Variants in DNAH17 observed in about 807,000 individuals in gnomAD.
The protein encoded by DNAH17 is axonemal beta dynein heavy chain 17.
DNAH17 carries 376 observed loss-of-function variants against 485.6 expected under a neutral mutation model. The ratio of observed to expected loss-of-function variants is 0.77; its 90% CI spans 0.71 to 0.84. DNAH17 has a LOEUF of 0.84. DNAH17 is among the 40% of genes least tolerant of loss of function. DNAH17 has a pLI of 0.00. For synonymous variants in DNAH17, 3,031 were observed against 2,405.9 expected (o/e 1.26, Z -7.60); for missense variants, 6,370 against 5,839.3 (o/e 1.09, Z -2.96).
chr17:78,531,731 T>G (rs986047576), intron 20 of DNAH17, among the ~76,000 whole-genome samples: 12 of 152,380 alleles, frequency 7.9e-5, no homozygotes, highest in African/African-American at 2.4e-4. Flanking sequence ...TTCTTTTGCA[T>G]TCAATCTGTC....
Position 78,462,865 on chromosome 17 carries a change from C to T in DNAH17, c.9153G>A (p.Lys3051=). The T allele has an allele frequency of 6.2e-7, 1 of 1,614,000 alleles. No homozygotes were observed. The highest frequency in any genetic ancestry group is 8.5e-7 in the Non-Finnish European group (1 of 1,179,886). ...KIERLENGLM[K]LQSTASQVDD... ...CTACCTGGGAAGCCGTGCTCTGCAGCTTCATCAGGCCGTTCTCCAGCCTCT... is the reference window on the plus strand; with the variant it reads ...CTACCTGGGAAGCCGTGCTCTGCAGTTTCATCAGGCCGTTCTCCAGCCTCT... Residue 3051 remains lysine (K), a synonymous_variant, in exon 57 of 81, where the codon AAG becomes AAA. Transcript: ENST00000389840.
chr17:78,475,717 G>A lies in DNAH17; in HGVS notation c.8271C>T (p.Leu2757=), dbSNP rs778772967. The change falls in exon 53 of 81, where the codon CTC becomes CTT. Residue 2757 remains leucine (L), a synonymous_variant. Transcript: ENST00000389840. ...CATTGTAGCTGTCCAGGACGTCCAC[G>A]AGGAGCTTGTTCAGAGGAGCCATGT... is the stretch of plus-strand genomic sequence containing the variant. ...VTDMAPLNKL[L]VDVLDSYNEV... 16 of 1,613,730 alleles carry A rather than the reference G, an allele frequency of 9.9e-6. No homozygotes were observed. Among genetic ancestry groups the A allele is most frequent in the African/African-American group, 6.7e-5 (5 of 74,912 alleles).
intron 64 of DNAH17, 98 bp from the exon 65 acceptor site, chr17:78,453,563 G>A: frequency 6.6e-7 from 1 of 1,505,320 alleles, no homozygotes; most frequent in Non-Finnish European, 9.0e-7. Context: ...GAGCGAGACA[G>A]CGCCAAGCGA....
Position 78,515,391 on chromosome 17 carries a change from C to T in DNAH17, c.3865-369G>A, listed in dbSNP as rs534253281. Among the ~76,000 whole-genome samples the T allele has an allele frequency of 3.3e-5, 5 of 152,274 alleles. No homozygotes were observed. In the East Asian group the frequency reaches 9.7e-4, roughly 29 times the overall value. ...GGGTGTGGTGGTGCACACCTGTAATCCCAGCTACTTGGGAGGCTGAGACAG... is the reference window on the plus strand; with the variant it reads ...GGGTGTGGTGGTGCACACCTGTAATTCCAGCTACTTGGGAGGCTGAGACAG... On this transcript the variant is annotated intron_variant, in intron 25 of 80. Transcript: ENST00000389840.
chr17:78,472,308 GAGGGTT>G (rs138651278), intron 54 of DNAH17, among the ~76,000 whole-genome samples: 50 of 148,468 alleles, frequency 3.4e-4, no homozygotes, highest in African/African-American at 1.2e-3. Flanking sequence ...GTGGGGGTGC[GAGGGTT>G]AGGGTTAGGG....
chr17:78,538,331 G>A (rs1438819975), intron 18 of DNAH17, among the ~76,000 whole-genome samples: 4 of 152,126 alleles, frequency 2.6e-5, no homozygotes. Flanking sequence ...GGCTGCAGGT[G>A]CTGCTCTGGT....
Position 78,487,885 on chromosome 17 carries a change from C to A in DNAH17, c.6819-1379G>T, listed in dbSNP as rs368643841. Among the ~76,000 whole-genome samples the A allele has an allele frequency of 5.3e-5, 8 of 152,264 alleles. No individual in the cohort carries two copies. In the East Asian group the frequency reaches 1.5e-3, roughly 29 times the overall value. ...GCTCCGCTTCTTCCTGAACCTCTAT[C>A]ACAAGAGAGAATTAAGAGCTGAACG... On this transcript the variant is annotated intron_variant, in intron 44 of 80. Transcript: ENST00000389840.
At chr17:78,554,258 G>A (rs2091970363) in intron 14 of DNAH17, among the ~76,000 whole-genome samples, 1 of 151,844 alleles carries the variant, frequency 6.6e-6, no homozygotes, top group African/African-American at 2.4e-5. Flanking sequence ...TGGCCAACAT[G>A]GTGAAATCTT....
chr17:78,425,756 C>G (rs377388547), intron 79 of DNAH17, among the ~76,000 whole-genome samples, 185 bp from the exon 80 acceptor site: 1 of 120,770 alleles, frequency 8.3e-6, no homozygotes, highest in African/African-American at 3.8e-5. Context: ...TTGGTGTCTG[C>G]TTTTTTTTTT....
At position 78,541,409 on chromosome 17, in the gene DNAH17, TTGGATGGA is replaced by T. The variant is rs1218787228; in HGVS notation, c.2533-1537_2533-1530del. Among the ~76,000 whole-genome samples the T allele has an allele frequency of 2.7e-4, 40 of 148,958 alleles. No individual in the cohort carries two copies. In the East Asian group the frequency reaches 7.6e-3, roughly 28 times the overall value. On this transcript the variant is annotated intron_variant, in intron 17 of 80. Transcript: ENST00000389840. ...GATGGATGGATGGATGGGTGGATGGTTGGATGGATGGATGAATCTCTAGGATACTAAGT... is the reference window on the plus strand; with the variant it reads ...GATGGATGGATGGATGGGTGGATGGTTGGATGAATCTCTAGGATACTAAGT...
intron 26 of DNAH17, among the ~76,000 whole-genome samples, chr17:78,514,437 G>A (rs189856564): frequency 8.0e-5 from 12 of 150,108 alleles, no homozygotes; most frequent in East Asian, 3.9e-4. Flanking sequence ...CCTGGGAGGC[G>A]GAGGTTGCAG....
intron 51 of DNAH17, 56 bp from the exon 52 acceptor site, chr17:78,476,789 G>A: frequency 1.9e-6 from 3 of 1,572,984 alleles, no homozygotes; most frequent in Non-Finnish European, 2.6e-6. Context: ...CGAGCCCAGA[G>A]CTGGACACAG....
At chr17:78,515,863 A>C (rs2090765839) in intron 25 of DNAH17, among the ~76,000 whole-genome samples, 1 of 152,246 alleles carries the variant, frequency 6.6e-6, no homozygotes, top group Admixed American at 6.5e-5. Context: ...TTGTTACCGC[A>C]CAGTAACGCA....
Position 78,502,657 on chromosome 17 carries a change from C to A in DNAH17, c.5124G>T (p.Val1708=), listed in dbSNP as rs767621250. ...CCTCCAGCCTGGCAAATGCCAGGCCCACCTCGGTCGTCCACCAGATCTGGG... is the reference window on the plus strand; with the variant it reads ...CCTCCAGCCTGGCAAATGCCAGGCCAACCTCGGTCGTCCACCAGATCTGGG... ...TCTQIWWTTE[V]GLAFARLEEG... Residue 1708 remains valine (V), a synonymous_variant, in exon 33 of 81, where the codon GTG becomes GTT. Coordinates refer to ENST00000389840, the MANE Select transcript of DNAH17 (RefSeq NM_173628.4). 6.2e-7 allele frequency: 1 copy of A among 1,612,964 alleles called. No individual in the cohort carries two copies. The highest frequency in any genetic ancestry group is 2.2e-5 in the East Asian group (1 of 44,886).
chr17:78,426,454 T>A lies in DNAH17; in HGVS notation c.12915+3A>T, dbSNP rs747716205. 3.8e-6 allele frequency: 6 copies of A among 1,594,390 alleles called. No homozygotes were observed. The highest frequency in any genetic ancestry group is 5.1e-6 in the Non-Finnish European group (6 of 1,170,574). ...GAAGCCTCTCAGAGAAAACGGCACT[T>A]ACCCTGATGCGGAGCAGCAGGTCTG... On this transcript the variant is annotated splice_donor_region_variant and intron_variant, in intron 79 of 80. Coordinates refer to ENST00000389840, the MANE Select transcript of DNAH17 (RefSeq NM_173628.4).
In DNAH17 at chr17:78,502,482, A is replaced by C. The variant is rs1012210967; in HGVS notation, c.5190+109T>G. 17 of 1,081,498 alleles carry C rather than the reference A, an allele frequency of 1.6e-5. No individual in the cohort carries two copies. The East Asian group carries it at 2.2e-4, about 14-fold the overall frequency. 67.0% of individuals were successfully genotyped at this position (1,081,498 alleles called of 1,614,324 possible). A position where few individuals can be genotyped will look rare whatever the true frequency, so the allele number is the denominator to read the frequency against. On this transcript the variant is annotated intron_variant, in intron 33 of 80. Transcript: ENST00000389840. ...TTTGCGGGGCTCAGCCTCCGAGAAG[A>C]AGCCGCTCCAGGTACTCGCCCGGCA...
In DNAH17 at chr17:78,452,328, C is replaced by A. The variant is rs757144061; in HGVS notation, c.10530-655G>T. Among the ~76,000 whole-genome samples the A allele has an allele frequency of 2.0e-5, 3 of 152,158 alleles. No individual in the cohort carries two copies. The South Asian group carries it at 6.2e-4, about 32-fold the overall frequency. ...TGTAAAATGAATAATGCAAGCTCCA[C>A]GCATCAGCTGATGAGTGGACAAACA... On this transcript the variant is annotated intron_variant, in intron 65 of 80. Transcript: ENST00000389840.
At chr17:78,505,940 T>C (rs973788967) in intron 30 of DNAH17, among the ~76,000 whole-genome samples, 1 of 152,060 alleles carries the variant, frequency 6.6e-6, no homozygotes, top group Non-Finnish European at 1.5e-5. Flanking sequence ...ATCGCGCCAT[T>C]GCACTCCAGC....
At chr17:78,468,906 T>C in intron 54 of DNAH17, 23 bp from the exon 55 acceptor site, 1 of 1,598,382 alleles carries the variant, frequency 6.3e-7, no homozygotes. Flanking sequence ...AGGACACGCT[T>C]AGGGGCCTTG....
Sources: gnomAD v4.1 joint callset for allele counts (sites outside exome capture counted in the v4.1 genomes callset) on GRCh38, gnomAD v4.1.1 for gene constraint, MANE v1.5 for transcripts, NCBI Gene and HGNC (gene_info 2026-07-23, HGNC 2026-07-21) for gene names.